Variants in CNTN4 observed in about 807,000 individuals in gnomAD.
CNTN4 encodes contactin-4.
A neutral mutation model predicts 122.5 loss-of-function variants in CNTN4; 77 were observed. The observed-to-expected ratio is 0.63, with a 90% confidence interval of 0.52 to 0.76. CNTN4 has a LOEUF of 0.76. Ranked by LOEUF, CNTN4 falls within the 30% of genes least tolerant of loss-of-function variation. The pLI is 0.00. For missense variants in CNTN4, 1,256 were observed against 1,259.1 expected (o/e 1.00, Z 0.04); for synonymous variants, 512 against 447.0 (o/e 1.15, Z -1.83).
intron 4 of CNTN4, among the ~76,000 whole-genome samples, chr3:2,670,096 TG>T: frequency 6.6e-6 from 1 of 152,344 alleles, no homozygotes; most frequent in South Asian, 2.1e-4. Flanking sequence ...GTTCTGTAGA[TG>T]TCTATTAGGT....
intron 13 of CNTN4, among the ~76,000 whole-genome samples, chr3:2,978,983 G>A (rs1312163208): frequency 1.3e-5 from 2 of 152,198 alleles, no homozygotes; most frequent in Non-Finnish European, 2.9e-5. Context: ...AAATACAGAT[G>A]TCCTGCCTTA....
chr3:2,355,787 A>G (rs1158231178), intron 3 of CNTN4, among the ~76,000 whole-genome samples: 4 of 152,234 alleles, frequency 2.6e-5, no homozygotes. Context: ...AGTTTTTAGT[A>G]CAAGGAAAAA....
At chr3:2,554,455 C>T (rs2078639136) in intron 3 of CNTN4, among the ~76,000 whole-genome samples, 1 of 151,870 alleles carries the variant, frequency 6.6e-6, no homozygotes, top group Admixed American at 6.6e-5. Context: ...TGCATTTGTA[C>T]AATGATTTTG....
chr3:2,602,706 C>T (rs2081097821), intron 4 of CNTN4, among the ~76,000 whole-genome samples: 1 of 152,114 alleles, frequency 6.6e-6, no homozygotes, highest in Non-Finnish European at 1.5e-5. Flanking sequence ...ATCAAGCTAC[C>T]AATGGTTTAT....
intron 4 of CNTN4, among the ~76,000 whole-genome samples, chr3:2,677,811 G>T (rs2084954417): frequency 6.6e-6 from 1 of 151,996 alleles, no homozygotes; most frequent in African/African-American, 2.4e-5. Flanking sequence ...AAAATAACAG[G>T]TTTCCTGCAA....
intron 3 of CNTN4, among the ~76,000 whole-genome samples, chr3:2,438,765 G>C (rs1252744283): frequency 1.3e-5 from 2 of 152,168 alleles, no homozygotes; most frequent in African/African-American, 4.8e-5. Flanking sequence ...GCAGGCTAAA[G>C]AATGTGGACC....
intron 6 of CNTN4, among the ~76,000 whole-genome samples, chr3:2,816,490 G>A (rs557591912): frequency 1.3e-5 from 2 of 151,900 alleles, no homozygotes; most frequent in Non-Finnish European, 2.9e-5. Context: ...ATACTGCTTG[G>A]GTGATGGGTG....
chr3:2,181,394 T>C (rs1216491329), intron 2 of CNTN4, among the ~76,000 whole-genome samples: 1 of 152,078 alleles, frequency 6.6e-6, no homozygotes. Context: ...TGTGTGAAAT[T>C]CTGAAAATTC....
intron 24 of CNTN4, 89 bp downstream of exon 24, chr3:3,054,064 T>C: frequency 3.0e-6 from 4 of 1,341,632 alleles, no homozygotes; most frequent in Non-Finnish European, 4.2e-6. Context: ...ACATTCAGCC[T>C]GCAAAAGCAG....
In CNTN4 at chr3:2,947,509, A is replaced by G. The variant is rs147346686; in HGVS notation, c.1358+21730A>G. Among the ~76,000 whole-genome samples the G allele has an allele frequency of 5.5e-3, 832 of 152,336 alleles. 4 individuals carry two copies. Among genetic ancestry groups the G allele is most frequent in the Non-Finnish European group, 0.01 (705 of 68,022 alleles). On this transcript the variant is annotated intron_variant, in intron 13 of 24. Transcript: ENST00000418658. ...AGTCTGGACAAGAACCTAGTTCCTC[A>G]CATCTATAATAGTACAGTGTTCTTT...
At chr3:2,237,182 T>C (rs532166001) in intron 2 of CNTN4, among the ~76,000 whole-genome samples, 2 of 151,714 alleles carry the variant, frequency 1.3e-5, no homozygotes, top group Non-Finnish European at 2.9e-5. Flanking sequence ...GAGTCAGTAG[T>C]GGTAGGTTGT....
At chr3:2,921,758 G>T (rs2094431708) in intron 12 of CNTN4, among the ~76,000 whole-genome samples, 1 of 152,120 alleles carries the variant, frequency 6.6e-6, no homozygotes, top group Admixed American at 6.5e-5. Context: ...GACTGCCACT[G>T]CATATCTAGT....
intron 4 of CNTN4, among the ~76,000 whole-genome samples, chr3:2,601,906 G>A (rs2081063177): frequency 6.6e-6 from 1 of 152,042 alleles, no homozygotes; most frequent in African/African-American, 2.4e-5. Context: ...GATCAAGTTG[G>A]CTTCATCCCT....
At chr3:2,597,476 G>C (rs1252747159) in intron 4 of CNTN4, among the ~76,000 whole-genome samples, 1 of 152,158 alleles carries the variant, frequency 6.6e-6, no homozygotes, top group African/African-American at 2.4e-5. Flanking sequence ...AAAGTATTGT[G>C]TCTTGACATA....
rs115197450 is a variant in CNTN4, at chr3:2,749,707, C to T, written c.358+4010C>T. ...GGTGATGTATTTTTATATACCCAAA[C>T]CCACCCTTTCTATTCTTGTAATTTT... On this transcript the variant is annotated intron_variant, in intron 6 of 24. Coordinates refer to ENST00000418658, the MANE Select transcript of CNTN4 (RefSeq NM_175607.3). 4.8e-3 allele frequency among the ~76,000 whole-genome samples: 724 copies of T among 152,170 alleles called. 7 individuals carry two copies. The highest frequency in any genetic ancestry group is 0.016 in the African/African-American group (670 of 41,510).
At chr3:2,800,933 C>T (rs1397864540) in intron 6 of CNTN4, among the ~76,000 whole-genome samples, 1 of 152,208 alleles carries the variant, frequency 6.6e-6, no homozygotes, top group East Asian at 1.9e-4. Flanking sequence ...CTTCCTGAAA[C>T]TTACCCAGAG....
chr3:2,793,263 A>C (rs1184905758), intron 6 of CNTN4, among the ~76,000 whole-genome samples: 1 of 152,010 alleles, frequency 6.6e-6, no homozygotes, highest in African/African-American at 2.4e-5. Flanking sequence ...AGCTATATGA[A>C]GGCTGGTTAA....
chr3:2,278,634 A>G (rs1479144111), intron 2 of CNTN4, among the ~76,000 whole-genome samples: 1 of 152,214 alleles, frequency 6.6e-6, no homozygotes, highest in Non-Finnish European at 1.5e-5. Context: ...ACTTTAAGAT[A>G]CTATTACAGC....
intron 2 of CNTN4, among the ~76,000 whole-genome samples, chr3:2,115,045 G>A (rs1399241872): frequency 6.6e-6 from 1 of 152,200 alleles, no homozygotes; most frequent in Non-Finnish European, 1.5e-5. Context: ...CTTGTGTGAT[G>A]ATGAAACCTC....
Sources: allele counts gnomAD v4.1 joint callset (sites outside exome capture counted in the v4.1 genomes callset), GRCh38; gene constraint gnomAD v4.1.1; transcripts MANE v1.5; gene names NCBI Gene and HGNC (gene_info 2026-07-23, HGNC 2026-07-21).